The following MACROD2 variants were observed in gnomAD, a reference collection of about 807,000 sequenced individuals.
MACROD2 encodes the protein ADP-ribose glycohydrolase MACROD2.
A neutral mutation model predicts 70.4 loss-of-function variants in MACROD2; 36 were observed. That is an observed-to-expected ratio of 0.51 (90% CI 0.39 to 0.68). The LOEUF (loss-of-function observed/expected upper bound fraction) is 0.68, where lower values mean the gene tolerates loss of function less well. Among genes scored for constraint, MACROD2 ranks in the 30% least tolerant of loss-of-function variants. The pLI is 0.00. For missense variants in MACROD2, 496 were observed against 538.4 expected, an observed-to-expected ratio of 0.92 and a Z score of 0.78; for synonymous variants, 172 against 178.8, an observed-to-expected ratio of 0.96 and a Z score of 0.30.
chr20:14,426,224 T>A (rs764270444), intron 3 of MACROD2, among the ~76,000 whole-genome samples: 12 of 152,138 alleles, frequency 7.9e-5, no homozygotes, highest in Non-Finnish European at 1.2e-4. Context: ...CCTTTCTTTC[T>A]TACATTTGAT....
chr20:14,997,039 A>G (rs1419127261), intron 5 of MACROD2, among the ~76,000 whole-genome samples: 4 of 152,176 alleles, frequency 2.6e-5, no homozygotes, highest in Admixed American at 6.5e-5. Flanking sequence ...TTGGGTGCAC[A>G]TGACCTAGTG....
At chr20:14,099,352 A>C (rs2054268854) in intron 3 of MACROD2, among the ~76,000 whole-genome samples, 1 of 151,576 alleles carries the variant, frequency 6.6e-6, no homozygotes, top group Non-Finnish European at 1.5e-5. Flanking sequence ...GAATATAGTG[A>C]AGTGTATTTA....
At chr20:16,008,146 G>T (rs2066814800) in intron 15 of MACROD2, among the ~76,000 whole-genome samples, 1 of 152,104 alleles carries the variant, frequency 6.6e-6, no homozygotes, top group Admixed American at 6.5e-5. Context: ...TCTGCAGAGG[G>T]AACTGAAATG....
chr20:14,193,870 AAAT>A (rs1280341371), intron 3 of MACROD2, among the ~76,000 whole-genome samples: 5 of 152,210 alleles, frequency 3.3e-5, no homozygotes, highest in Admixed American at 3.3e-4. Context: ...GCCAAATGGA[AAAT>A]AATGAGCACA....
At chr20:15,882,845 G>A (rs2147204176) in intron 9 of MACROD2, among the ~76,000 whole-genome samples, 1 of 152,134 alleles carries the variant, frequency 6.6e-6, no homozygotes, top group African/African-American at 2.4e-5. Context: ...TTCTGGGGAT[G>A]ACGTTATCAG....
chr20:15,056,437 A>G (rs534646906), intron 5 of MACROD2, among the ~76,000 whole-genome samples: 3 of 152,130 alleles, frequency 2.0e-5, no homozygotes, highest in African/African-American at 7.2e-5. Flanking sequence ...TAAATGCTTC[A>G]TTTTCCACCC....
chr20:14,705,915 CCTCT>C (rs372439602), intron 5 of MACROD2, among the ~76,000 whole-genome samples: 1 of 151,760 alleles, frequency 6.6e-6, no homozygotes, highest in African/African-American at 2.4e-5. Flanking sequence ...TTCTTCTCTT[CCTCT>C]CTCTCTTTTT....
At chr20:15,411,415 T>C (rs530532397) in intron 6 of MACROD2, among the ~76,000 whole-genome samples, 1 of 152,334 alleles carries the variant, frequency 6.6e-6, no homozygotes, top group South Asian at 2.1e-4. Context: ...AAATTAGATG[T>C]TGAAAGTCCT....
intron 8 of MACROD2, among the ~76,000 whole-genome samples, chr20:15,670,971 T>C (rs1302263772): frequency 6.6e-6 from 1 of 152,248 alleles, no homozygotes; most frequent in East Asian, 1.9e-4. Flanking sequence ...GAAAAATGTA[T>C]AAGCTAGTTT....
intron 8 of MACROD2, among the ~76,000 whole-genome samples, chr20:15,670,539 T>C (rs1369838482): frequency 1.3e-5 from 2 of 152,228 alleles, no homozygotes; most frequent in Non-Finnish European, 2.9e-5. Flanking sequence ...CCTGTTGCTG[T>C]GGCATATCTT....
At chr20:15,362,190 T>A (rs1193842918) in intron 6 of MACROD2, among the ~76,000 whole-genome samples, 1 of 152,020 alleles carries the variant, frequency 6.6e-6, no homozygotes, top group Non-Finnish European at 1.5e-5. Context: ...TTTTATATTT[T>A]TAGTAGAGAC....
chr20:15,015,208 G>GT lies in MACROD2; in HGVS notation c.419-214725dup, dbSNP rs567496726. 1.8e-3 allele frequency among the ~76,000 whole-genome samples: 279 copies of GT among 151,886 alleles called. 1 individual carries two copies. The highest frequency in any genetic ancestry group is 3.1e-3 in the Non-Finnish European group (212 of 67,942). On this transcript the variant is annotated intron_variant, in intron 5 of 17. Coordinates refer to ENST00000684519, the MANE Select transcript of MACROD2 (RefSeq NM_001351661.2). The stretch of plus-strand genomic sequence containing the variant: ...TTTTAATATTAATTTTTTCATTCTA[G>GT]TTTTTTTGTTTTATTTAACATTTGG...
chr20:15,276,807 C>G (rs1176363025), intron 6 of MACROD2, among the ~76,000 whole-genome samples: 1 of 152,088 alleles, frequency 6.6e-6, no homozygotes, highest in Non-Finnish European at 1.5e-5. Flanking sequence ...CAAAACTTTG[C>G]CAGAAGAGAC....
rs541598430 is a variant in MACROD2 at position 14,294,799 on chromosome 20, G to T, written c.272-198680G>T. Among the ~76,000 whole-genome samples the T allele has an allele frequency of 2.0e-3, 300 of 151,826 alleles. 9 individuals are homozygous for T. Among genetic ancestry groups the T allele is most frequent in the African/African-American group, 6.8e-3 (282 of 41,284 alleles). ...AGTTGATTTTTAAAGTGAACCATAT[G>T]TTTAGCAGGATTTCTAATTGCTGTA... On this transcript the variant is annotated intron_variant, in intron 3 of 17. Coordinates refer to ENST00000684519, the MANE Select transcript of MACROD2 (RefSeq NM_001351661.2).
intron 5 of MACROD2, among the ~76,000 whole-genome samples, chr20:15,062,503 A>C (rs2075540837): frequency 6.6e-6 from 1 of 152,070 alleles, no homozygotes; most frequent in Non-Finnish European, 1.5e-5. Context: ...TGTAATTGTG[A>C]AAATGAAGTA....
intron 8 of MACROD2, among the ~76,000 whole-genome samples, chr20:15,667,782 C>T (rs2049921867): frequency 6.6e-6 from 1 of 152,126 alleles, no homozygotes; most frequent in Admixed American, 6.5e-5. Context: ...TATGTCCCTT[C>T]AGTTTCTTTC....
At chr20:14,942,380 CTT>C (rs111329702) in intron 5 of MACROD2, among the ~76,000 whole-genome samples, 2 of 151,014 alleles carry the variant, frequency 1.3e-5, no homozygotes, top group East Asian at 1.9e-4. Context: ...CCTTATCCTC[CTT>C]TTTTTTTCTC....
At chr20:14,634,300 C>A (rs1048554324) in intron 4 of MACROD2, among the ~76,000 whole-genome samples, 2 of 152,212 alleles carry the variant, frequency 1.3e-5, no homozygotes, top group Admixed American at 6.5e-5. Flanking sequence ...ACTGAATGAG[C>A]AAAGATGATG....
chr20:14,021,255 C>T (rs1569119247), intron 2 of MACROD2, among the ~76,000 whole-genome samples: 1 of 152,194 alleles, frequency 6.6e-6, no homozygotes, highest in East Asian at 1.9e-4. Context: ...TCCCAAAGTG[C>T]TGGGATTACA....
Sources: gnomAD v4.1 joint callset for allele counts (sites outside exome capture counted in the v4.1 genomes callset) on GRCh38, gnomAD v4.1.1 for gene constraint, MANE v1.5 for transcripts, NCBI Gene and HGNC (gene_info 2026-07-23, HGNC 2026-07-21) for gene names.